DRC4: variants seen among roughly 807,000 people sequenced by gnomAD.
DRC4 encodes the protein dynein regulatory complex subunit 4.
At chr16:90,029,988 A>AT in the DRC4 span, 1 of 152,340 alleles carries the variant, frequency 6.6e-6, no homozygotes, top group Admixed American at 6.5e-5. Context: ...TGATCTCCTG[A>AT]CCTCATGATC....
chr16:90,036,327 C>A, the DRC4 span: 11 of 1,484,338 alleles, frequency 7.4e-6, no homozygotes, highest in Non-Finnish European at 1.0e-5. Context: ...GTTCTGTAGC[C>A]GTAGGGGCAC....
chr16:90,027,802 C>T, the DRC4 span: 1 of 1,337,140 alleles, frequency 7.5e-7, no homozygotes, highest in Non-Finnish European at 1.1e-6. Flanking sequence ...GAGTGTCCAT[C>T]TTGCCATGTG....
At chr16:90,032,916 C>T in the DRC4 span, 2 of 1,613,096 alleles carry the variant, frequency 1.2e-6, no homozygotes, top group African/African-American at 1.3e-5. Context: ...GGTGAAGAAC[C>T]TGCGGCTGGT....
the DRC4 span, chr16:90,044,573 A>G: frequency 4.2e-6 from 2 of 471,106 alleles, no homozygotes; most frequent in African/African-American, 4.0e-5. Flanking sequence ...GTGAGCTTGT[A>G]GGTGCCTGCC....
At chr16:90,038,926 G>A in the DRC4 span, among the ~76,000 whole-genome samples, 4 of 152,332 alleles carry the variant, frequency 2.6e-5, no homozygotes, top group South Asian at 4.1e-4. Flanking sequence ...ATCTTGAGCC[G>A]CAGTTATATG....
At chr16:90,039,106 G>T in the DRC4 span, among the ~76,000 whole-genome samples, 1 of 152,226 alleles carries the variant, frequency 6.6e-6, no homozygotes, top group Non-Finnish European at 1.5e-5. Context: ...GGCACCTAAG[G>T]GAAGGGCACC....
the DRC4 span, chr16:90,042,899 C>G: frequency 3.9e-6 from 2 of 509,854 alleles, no homozygotes; most frequent in Non-Finnish European, 7.1e-6. Context: ...GTGGGAAACA[C>G]CCAGCCAGGG....
the DRC4 span, chr16:90,031,131 G>A: frequency 2.1e-6 from 3 of 1,459,244 alleles, no homozygotes; most frequent in South Asian, 3.9e-5. Context: ...AATGCATTCT[G>A]TCTCCGGAGC....
At chr16:90,032,715 C>T in the DRC4 span, 48 of 1,613,556 alleles carry the variant, frequency 3.0e-5, no homozygotes, top group Non-Finnish European at 3.7e-5. Flanking sequence ...CATTGCCCTG[C>T]AGGTGTACAA....
chr16:90,037,699 T>A, the DRC4 span: 275 of 1,488,710 alleles, frequency 1.8e-4, no homozygotes, highest in Non-Finnish European at 2.4e-4. Flanking sequence ...CAGGAGCCCG[T>A]GTTACTTGGA....
At chr16:90,028,070 C>A in the DRC4 span, 2 of 198,888 alleles carry the variant, frequency 1.0e-5, no homozygotes, top group East Asian at 1.1e-4. Context: ...ACACATGTAG[C>A]ATTCTCCTTT....
At chr16:90,023,316 G>C in the DRC4 span, among the ~76,000 whole-genome samples, 2 of 152,216 alleles carry the variant, frequency 1.3e-5, no homozygotes, top group Admixed American at 1.3e-4. Flanking sequence ...CCTGGCAGGA[G>C]TCAGGCCCAG....
At chr16:90,030,490 G>A in the DRC4 span, among the ~76,000 whole-genome samples, 1 of 150,312 alleles carries the variant, frequency 6.7e-6, no homozygotes, top group Non-Finnish European at 1.5e-5. Flanking sequence ...ATAGGCATGT[G>A]CCACCACTCC....
the DRC4 span, chr16:90,029,159 A>G: frequency 2.2e-6 from 3 of 1,351,168 alleles, no homozygotes; most frequent in Non-Finnish European, 3.0e-6. Flanking sequence ...CCTACGGGGC[A>G]GGCTACGGGG....
chr16:90,042,857 C>A, the DRC4 span: 1 of 505,146 alleles, frequency 2.0e-6, no homozygotes, highest in South Asian at 2.4e-5. Flanking sequence ...AGACGTCATT[C>A]AACAGGGGAA....
At chr16:90,031,742 C>T in the DRC4 span, among the ~76,000 whole-genome samples, 3 of 152,178 alleles carry the variant, frequency 2.0e-5, no homozygotes, top group African/African-American at 7.2e-5. Flanking sequence ...TCAGCTCTGC[C>T]ACTTAATACC....
At chr16:90,029,231 T>G in the DRC4 span, 3 of 1,144,554 alleles carry the variant, frequency 2.6e-6, no homozygotes, top group Non-Finnish European at 3.2e-6. Flanking sequence ...GCCCTTGCAC[T>G]GCACATCGCA....
the DRC4 span, chr16:90,043,970 C>T: frequency 5.3e-5 from 22 of 415,560 alleles, no homozygotes; most frequent in South Asian, 3.9e-4. Context: ...CTGGGCCTTG[C>T]TGGTGATGGT....
chr16:90,022,455 T>A, the DRC4 span: 1 of 420,660 alleles, frequency 2.4e-6, no homozygotes, highest in East Asian at 3.7e-5. Flanking sequence ...TCGTGGAGCT[T>A]AGGTTCCAGC....
Sources: gnomAD v4.1 joint callset for allele counts (sites outside exome capture counted in the v4.1 genomes callset) on GRCh38, gnomAD v4.1.1 for gene constraint, MANE v1.5 for transcripts, NCBI Gene and HGNC (gene_info 2026-07-23, HGNC 2026-07-21) for gene names.